PRR16: variants seen among roughly 807,000 people sequenced by gnomAD.
The protein encoded by PRR16 is proline rich 16.
PRR16 carries 6 observed loss-of-function variants against 18.2 expected under a neutral mutation model. That is an observed-to-expected ratio of 0.33 (90% CI 0.18 to 0.65). The LOEUF is 0.65. Ranked by LOEUF, PRR16 falls within the 30% of genes least tolerant of loss-of-function variation. The pLI, the probability that PRR16 is intolerant of heterozygous loss-of-function variation, is 0.74. For synonymous variants in PRR16, 151 were observed against 147.8 expected, an observed-to-expected ratio of 1.02 and a Z score of -0.16; for missense variants, 412 against 376.6, an observed-to-expected ratio of 1.09 and a Z score of -0.78.
At chr5:120,666,521 A>T (rs980347846) in intron 1 of PRR16, among the ~76,000 whole-genome samples, 115 of 151,958 alleles carry the variant, frequency 7.6e-4, no homozygotes, top group Non-Finnish European at 1.4e-3. Flanking sequence ...GAGAGAGGGC[A>T]TCCCTGTCTT....
intron 1 of PRR16, among the ~76,000 whole-genome samples, chr5:120,471,264 G>A (rs1409624792): frequency 6.6e-6 from 1 of 152,104 alleles, no homozygotes; most frequent in Non-Finnish European, 1.5e-5. Context: ...ATGTTGATAA[G>A]AATATTACAT....
chr5:120,784,582 A>T, the PRR16 span, among the ~76,000 whole-genome samples: 1 of 152,220 alleles, frequency 6.6e-6, no homozygotes, highest in African/African-American at 2.4e-5. Context: ...AATATGTAAG[A>T]AACTCAAAAA....
chr5:120,667,983 A>G (rs528598584), intron 1 of PRR16, among the ~76,000 whole-genome samples: 12 of 152,102 alleles, frequency 7.9e-5, no homozygotes, highest in African/African-American at 2.9e-4. Flanking sequence ...CTTGGTGCAG[A>G]GCTGAGTTCA....
chr5:120,672,918 G>T (rs774754148), intron 1 of PRR16, among the ~76,000 whole-genome samples: 1 of 152,108 alleles, frequency 6.6e-6, no homozygotes, highest in African/African-American at 2.4e-5. Flanking sequence ...GCAACTAGTT[G>T]CATCTTGTAC....
At chr5:120,720,783 G>T in the PRR16 span, among the ~76,000 whole-genome samples, 1 of 151,784 alleles carries the variant, frequency 6.6e-6, no homozygotes, top group African/African-American at 2.4e-5. Context: ...AGTGTGTCTT[G>T]AACAGTTTTA....
the PRR16 span, among the ~76,000 whole-genome samples, chr5:120,700,188 G>T: frequency 6.6e-6 from 1 of 152,166 alleles, no homozygotes; most frequent in Non-Finnish European, 1.5e-5. Flanking sequence ...CGCAGATCCT[G>T]AACTAACTTG....
At chr5:120,729,871 A>C in the PRR16 span, among the ~76,000 whole-genome samples, 1 of 152,080 alleles carries the variant, frequency 6.6e-6, no homozygotes, top group South Asian at 2.1e-4. Flanking sequence ...AGGGCTTTGC[A>C]TGCCATATCA....
At chr5:120,524,470 T>C (rs959567868) in intron 1 of PRR16, among the ~76,000 whole-genome samples, 1 of 152,124 alleles carries the variant, frequency 6.6e-6, no homozygotes, top group African/African-American at 2.4e-5. Context: ...CAAACTATTA[T>C]GTTGACAATT....
At chr5:120,676,241 T>A (rs952663600) in intron 1 of PRR16, among the ~76,000 whole-genome samples, 2 of 152,214 alleles carry the variant, frequency 1.3e-5, no homozygotes, top group Admixed American at 6.5e-5. Flanking sequence ...CCAGTATCCA[T>A]GTATCACGAT....
At chr5:120,697,006 T>A in the PRR16 span, among the ~76,000 whole-genome samples, 1 of 152,216 alleles carries the variant, frequency 6.6e-6, no homozygotes, top group Admixed American at 6.5e-5. Context: ...CTTAAATTAA[T>A]GTATGAAGAT....
At chr5:120,741,835 A>G in the PRR16 span, among the ~76,000 whole-genome samples, 1,262 of 152,246 alleles carry the variant, frequency 8.3e-3, 7 homozygotes, top group Non-Finnish European at 0.014. Flanking sequence ...TCTTGACCTC[A>G]GGTAATCCGC....
intron 1 of PRR16, among the ~76,000 whole-genome samples, chr5:120,566,750 G>A (rs902764777): frequency 2.0e-5 from 3 of 152,170 alleles, no homozygotes; most frequent in Admixed American, 2.0e-4. Context: ...TTCTCTCAAT[G>A]TCCATGCTTG....
the PRR16 span, among the ~76,000 whole-genome samples, chr5:120,784,392 A>C: frequency 5.1e-4 from 78 of 152,088 alleles, no homozygotes; most frequent in African/African-American, 1.8e-3. Context: ...TTTCATAAAA[A>C]CCATTTTTAA....
chr5:120,790,717 C>A, the PRR16 span: 1 of 152,100 alleles, frequency 6.6e-6, no homozygotes, highest in Non-Finnish European at 1.5e-5. Flanking sequence ...CACTTCCATT[C>A]AGGGTAATGA....
At chr5:120,529,232 A>G (rs1322555056) in intron 1 of PRR16, among the ~76,000 whole-genome samples, 1 of 152,156 alleles carries the variant, frequency 6.6e-6, no homozygotes, top group African/African-American at 2.4e-5. Flanking sequence ...TAAATATGAC[A>G]TGATTTCTGA....
intron 1 of PRR16, among the ~76,000 whole-genome samples, chr5:120,600,305 T>C (rs1293610250): frequency 6.6e-6 from 1 of 151,942 alleles, no homozygotes. Context: ...CTTTTTTGTT[T>C]AACCCCAAAG....
At chr5:120,695,165 A>G in the PRR16 span, among the ~76,000 whole-genome samples, 2 of 152,156 alleles carry the variant, frequency 1.3e-5, no homozygotes, top group African/African-American at 4.8e-5. Context: ...AAAATCGAGT[A>G]TTTGGATTGA....
chr5:120,592,348 G>T (rs1011727356), intron 1 of PRR16, among the ~76,000 whole-genome samples: 1 of 152,150 alleles, frequency 6.6e-6, no homozygotes, highest in African/African-American at 2.4e-5. Context: ...ACTGCAAGTG[G>T]ATGCCTAGTG....
At chr5:120,616,630 G>A (rs1253576041) in intron 1 of PRR16, among the ~76,000 whole-genome samples, 7 of 152,152 alleles carry the variant, frequency 4.6e-5, no homozygotes, top group African/African-American at 4.8e-5. Context: ...GTTTATATCC[G>A]TTTCTGTGAT....
Sources: allele counts gnomAD v4.1 joint callset (sites outside exome capture counted in the v4.1 genomes callset), GRCh38; gene constraint gnomAD v4.1.1; transcripts MANE v1.5; gene names NCBI Gene and HGNC (gene_info 2026-07-23, HGNC 2026-07-21).